Variants in EXOC4 observed in about 807,000 individuals in gnomAD.
EXOC4 encodes the protein exocyst complex component 4, also known as SEC8-like 1.
In EXOC4, 71 loss-of-function variants were observed where a neutral mutation model predicts 107.2. That is an observed-to-expected ratio of 0.66 (90% CI 0.55 to 0.81). The LOEUF is 0.81. EXOC4 is among the 30% of genes least tolerant of loss of function. EXOC4 has a pLI of 0.00. For missense variants in EXOC4, 1,108 were observed against 1,189.6 expected (o/e 0.93, Z 1.01); for synonymous variants, 456 against 441.2 (o/e 1.03, Z -0.42).
chr7:133,437,799 T>G (rs1391002731), intron 7 of EXOC4, among the ~76,000 whole-genome samples: 1 of 152,186 alleles, frequency 6.6e-6, no homozygotes, highest in African/African-American at 2.4e-5. Context: ...TCGCTATTTT[T>G]GCAAAGTCTT....
intron 9 of EXOC4, among the ~76,000 whole-genome samples, chr7:133,481,370 G>T (rs139640199): frequency 8.4e-6 from 1 of 118,608 alleles, no homozygotes; most frequent in Non-Finnish European, 1.7e-5. Flanking sequence ...TTCTCCATGA[G>T]GGATGGGAAC....
intron 14 of EXOC4, among the ~76,000 whole-genome samples, chr7:133,955,004 A>C (rs1223989488): frequency 6.6e-6 from 1 of 152,256 alleles, no homozygotes; most frequent in African/African-American, 2.4e-5. Flanking sequence ...AGGGGATGTC[A>C]CAGCCCTGGC....
downstream of EXOC4, among the ~76,000 whole-genome samples, chr7:134,067,632 T>C (rs968782979): frequency 0.02 from 1,981 of 98,508 alleles, 42 homozygotes; most frequent in African/African-American, 0.057. Flanking sequence ...CTCTTATATA[T>C]ATATATACAC....
At chr7:133,485,041 C>G (rs1584952677) in intron 9 of EXOC4, among the ~76,000 whole-genome samples, 1 of 143,256 alleles carries the variant, frequency 7.0e-6, no homozygotes, top group East Asian at 2.1e-4. Context: ...GATCGCGCCA[C>G]TGTACTCCAA....
chr7:133,946,866 T>C (rs1319745308), intron 14 of EXOC4, among the ~76,000 whole-genome samples: 1 of 152,220 alleles, frequency 6.6e-6, no homozygotes, highest in African/African-American at 2.4e-5. Context: ...ACATCTACTC[T>C]GGTTTTCCCT....
chr7:133,633,824 C>A (rs1349445805), intron 10 of EXOC4, among the ~76,000 whole-genome samples: 1 of 152,072 alleles, frequency 6.6e-6, no homozygotes, highest in African/African-American at 2.4e-5. Context: ...GGTCTCTTGG[C>A]AAACTCAGAT....
At chr7:133,469,498 A>C (rs1187130624) in intron 7 of EXOC4, among the ~76,000 whole-genome samples, 1 of 152,176 alleles carries the variant, frequency 6.6e-6, no homozygotes, top group Non-Finnish European at 1.5e-5. Context: ...ATTTGTGCAA[A>C]CCACTACTCC....
At chr7:133,688,420 T>A (rs1442923012) in intron 10 of EXOC4, among the ~76,000 whole-genome samples, 1 of 152,120 alleles carries the variant, frequency 6.6e-6, no homozygotes, top group African/African-American at 2.4e-5. Context: ...TTACTTTGAG[T>A]CCCAGTGGAT....
chr7:134,036,804 A>T (rs953536267), intron 17 of EXOC4, among the ~76,000 whole-genome samples: 1 of 152,196 alleles, frequency 6.6e-6, no homozygotes, highest in African/African-American at 2.4e-5. Flanking sequence ...ACAGAATGCA[A>T]ACTAGAGCTT....
chr7:134,007,540 C>A, intron 16 of EXOC4, 136 bp from the exon 17 acceptor site: 1 of 711,956 alleles, frequency 1.4e-6, no homozygotes, highest in East Asian at 3.0e-5. Flanking sequence ...GCAGATGCAA[C>A]CATCAGAGGT....
intron 10 of EXOC4, among the ~76,000 whole-genome samples, chr7:133,725,709 T>C (rs1307463535): frequency 6.6e-6 from 1 of 152,192 alleles, no homozygotes; most frequent in Admixed American, 6.6e-5. Context: ...CTATGACAAC[T>C]ACTGAAGTAT....
chr7:133,499,478 A>C (rs900189900), intron 9 of EXOC4, among the ~76,000 whole-genome samples: 1 of 152,226 alleles, frequency 6.6e-6, no homozygotes, highest in South Asian at 2.1e-4. Context: ...TATATTAAGA[A>C]GGAAGCTAAG....
intron 7 of EXOC4, among the ~76,000 whole-genome samples, chr7:133,408,700 A>G (rs758882480): frequency 3.3e-5 from 5 of 152,180 alleles, no homozygotes; most frequent in Non-Finnish European, 5.9e-5. Flanking sequence ...ATTAAGTGGC[A>G]GAGCTTGGAT....
At chr7:133,939,469 ACCAGAAATCT>A (rs2116734961) in intron 14 of EXOC4, among the ~76,000 whole-genome samples, 1 of 152,312 alleles carries the variant, frequency 6.6e-6, no homozygotes, top group East Asian at 1.9e-4. Context: ...TAGAATCTGC[ACCAGAAATCT>A]CCTTAAAATA....
At chr7:133,501,220 T>G (rs2150887332) in intron 9 of EXOC4, among the ~76,000 whole-genome samples, 1 of 152,328 alleles carries the variant, frequency 6.6e-6, no homozygotes, top group South Asian at 2.1e-4. Context: ...CTAAAAATTC[T>G]AAATTGTTGC....
At chr7:133,550,782 T>TG (rs1168061918) in intron 9 of EXOC4, among the ~76,000 whole-genome samples, 1 of 152,182 alleles carries the variant, frequency 6.6e-6, no homozygotes, top group Non-Finnish European at 1.5e-5. Flanking sequence ...TTAACATTGC[T>TG]GGACTACCAC....
At chr7:133,717,678 C>T (rs1010385803) in intron 10 of EXOC4, among the ~76,000 whole-genome samples, 4 of 152,156 alleles carry the variant, frequency 2.6e-5, no homozygotes, top group Admixed American at 2.0e-4. Flanking sequence ...TATACTTACA[C>T]ACATACACAC....
At chr7:133,274,320 T>C (rs1190853120) in intron 1 of EXOC4, among the ~76,000 whole-genome samples, 1 of 152,222 alleles carries the variant, frequency 6.6e-6, no homozygotes, top group African/African-American at 2.4e-5. Flanking sequence ...AGTGTATAAG[T>C]AATTGTATCA....
Position 133,274,978 on chromosome 7 carries a change from C to T in EXOC4, c.87-4C>T, listed in dbSNP as rs2150524471. On this transcript the variant is annotated splice_region_variant and splice_polypyrimidine_tract_variant and intron_variant, in intron 1 of 17. Coordinates refer to ENST00000253861, the MANE Select transcript of EXOC4 (RefSeq NM_021807.4). The stretch of plus-strand genomic sequence containing the variant: ...TAGCTTGATATACTCTCTGCCTTCA[C>T]CAGGACTCTGTCTACTAGTGACGAT... 2 of 1,592,146 alleles carry T rather than the reference C, an allele frequency of 1.3e-6. No individual in the cohort carries two copies. The highest frequency in any genetic ancestry group is 2.2e-5 in the East Asian group (1 of 44,764).
Sources: gnomAD v4.1 joint callset for allele counts (sites outside exome capture counted in the v4.1 genomes callset) on GRCh38, gnomAD v4.1.1 for gene constraint, MANE v1.5 for transcripts, NCBI Gene and HGNC (gene_info 2026-07-23, HGNC 2026-07-21) for gene names.